The following GET1 variants were observed in gnomAD, a reference collection of about 807,000 sequenced individuals.
GET1 encodes the protein congenital heart disease 5 protein.
Under a neutral mutation model 22.6 loss-of-function variants are expected in GET1, and 20 were observed. The ratio of observed to expected loss-of-function variants is 0.89; its 90% CI spans 0.62 to 1.29. GET1 has a LOEUF of 1.29. Ranked by LOEUF, GET1 falls within the 50% of genes most tolerant of loss-of-function variation. The pLI is 0.00. For missense variants in GET1, 209 were observed against 219.9 expected (o/e 0.95, Z 0.31); for synonymous variants, 92 against 83.8 (o/e 1.10, Z -0.53).
chr21:39,397,935 A>G (rs1192692465), downstream of GET1: 2 of 152,164 alleles, frequency 1.3e-5, no homozygotes, highest in African/African-American at 2.4e-5. Context: ...CTAATGATCT[A>G]ATAAGTAGTT....
rs559362595 is a variant in GET1 at position 39,383,196 on chromosome 21, T to C, written c.102+2710T>C. ...GTCTCGATCTCCTGACCTTGTGATC[T>C]GCCCGCCTTGGCCTCCCAAAGTGCT... On this transcript the variant is annotated intron_variant, in intron 1 of 4. Coordinates refer to ENST00000649170, the MANE Select transcript of GET1 (RefSeq NM_004627.6). 6.6e-5 allele frequency among the ~76,000 whole-genome samples: 10 copies of C among 152,124 alleles called. No homozygotes were observed. The East Asian group carries it at 1.4e-3, about 21-fold the overall frequency.
intron 1 of GET1, among the ~76,000 whole-genome samples, chr21:39,424,092 A>G (rs2074219627): frequency 1.3e-5 from 2 of 151,942 alleles, no homozygotes; most frequent in Non-Finnish European, 2.9e-5. Flanking sequence ...GGCTCACTGC[A>G]ACCTCTGCAT....
chr21:39,421,938 C>T (rs1016069280), intron 1 of GET1: 1 of 152,076 alleles, frequency 6.6e-6, no homozygotes, highest in African/African-American at 2.4e-5. Context: ...ACATGAACAA[C>T]TTAGATACAT....
At chr21:39,391,037 T>C in intron 2 of GET1, 174 bp downstream of exon 2, 1 of 625,706 alleles carries the variant, frequency 1.6e-6, no homozygotes, top group Admixed American at 3.2e-5. Context: ...TATTTGCTGG[T>C]GAACCTTTGC....
chr21:39,393,643 T>C (rs533641559), intron 4 of GET1, among the ~76,000 whole-genome samples: 1 of 152,294 alleles, frequency 6.6e-6, no homozygotes, highest in East Asian at 1.9e-4. Context: ...TGCTCCTGGC[T>C]ATTCTTTTAT....
intron 1 of GET1, among the ~76,000 whole-genome samples, chr21:39,416,859 G>A (rs2147413971): frequency 6.6e-6 from 1 of 152,172 alleles, no homozygotes; most frequent in South Asian, 2.1e-4. Flanking sequence ...CTGGCCATAT[G>A]CAATGACATT....
chr21:39,411,762 T>C (rs201977093), intron 1 of GET1: 13 of 1,589,446 alleles, frequency 8.2e-6, no homozygotes, highest in Non-Finnish European at 1.0e-5. Context: ...AAGTATTCGA[T>C]GACTATAGAT....
In GET1 at chr21:39,391,797, G is replaced by C; in HGVS notation, c.297G>C (p.Lys99Asn). 1 of 1,614,168 alleles carries C rather than the reference G, an allele frequency of 6.2e-7. No individual in the cohort carries two copies. The highest frequency in any genetic ancestry group is 8.5e-7 in the Non-Finnish European group (1 of 1,180,020). The change falls in exon 3 of 5, where the codon AAG becomes AAC. Residue 99 changes from lysine (K) to asparagine (N), a missense_variant. Coordinates refer to ENST00000649170, the MANE Select transcript of GET1 (RefSeq NM_004627.6). The stretch of plus-strand genomic sequence containing the variant: ...AAGCTCGGACAGCTCAATTAGCCAA[G>C]ATAAAATGGGTGATAAGTGTCGCTT... Reference protein sequence around the residue: ...HVKARTAQLAKIKWVISVAFY... With the variant: ...HVKARTAQLANIKWVISVAFY...
intron 1 of GET1, among the ~76,000 whole-genome samples, chr21:39,382,948 T>A (rs577912692): frequency 1.1e-4 from 17 of 152,134 alleles, no homozygotes; most frequent in African/African-American, 9.6e-5. Context: ...CTTTTTATTT[T>A]TTTATTTATT....
chr21:39,420,724 G>T lies in GET1; in HGVS notation c.*24-7508G>T, dbSNP rs778846298. ...GAAATACCTTAAGTTTTTGTTGAAG[G>T]TGTTTTACTTCCACCTGCAGAGTCT... On this transcript the variant is annotated intron_variant, in intron 1 of 1. Coordinates refer to the GET1 transcript ENST00000478273. 2.9e-5 allele frequency: 46 copies of T among 1,611,708 alleles called. 1 individual carries two copies. Among genetic ancestry groups the T allele is most frequent in the Non-Finnish European group, 3.6e-5 (42 of 1,178,678 alleles).
At chr21:39,392,100 T>G in intron 3 of GET1, 1 of 443,280 alleles carries the variant, frequency 2.3e-6, no homozygotes, top group Non-Finnish European at 4.0e-6. Context: ...TCACCATGCC[T>G]GCATCCCAGT....
rs559182001 is a variant in GET1 at position 39,403,450 on chromosome 21, T to C, written c.350-2464T>C. On this transcript the variant is annotated intron_variant, in intron 4 of 4. Coordinates refer to the GET1 transcript ENST00000415847. ...CACGCCATTCTCCCGCCTCAGCCTC[T>C]CCAGTAGCTGGGACTAAAGGCGCCG... 5.8e-3 allele frequency among the ~76,000 whole-genome samples: 827 copies of C among 143,798 alleles called. 8 individuals are homozygous for C. Among genetic ancestry groups the C allele is most frequent in the African/African-American group, 0.02 (781 of 38,352 alleles). 94.3% of individuals were successfully genotyped at this position (143,798 alleles called of 152,430 possible). A position where few individuals can be genotyped will look rare whatever the true frequency, so the allele number is the denominator to read the frequency against.
At chr21:39,404,368 A>C (rs958924664) in intron 4 of GET1, among the ~76,000 whole-genome samples, 18 of 152,324 alleles carry the variant, frequency 1.2e-4, no homozygotes, top group African/African-American at 3.8e-4. Flanking sequence ...ATGATACTGG[A>C]TCTCAGGTGT....
chr21:39,381,610 C>T (rs1298579069), intron 1 of GET1, among the ~76,000 whole-genome samples: 1 of 152,116 alleles, frequency 6.6e-6, no homozygotes, highest in African/African-American at 2.4e-5. Context: ...ATAAAAGACT[C>T]CTGATGAGCT....
chr21:39,408,003 A>C (rs1228462385), downstream of GET1: 1 of 152,216 alleles, frequency 6.6e-6, no homozygotes, highest in Admixed American at 6.5e-5. Context: ...CTGAAGGCCC[A>C]ATGTGTTCAA....
intron 4 of GET1, among the ~76,000 whole-genome samples, chr21:39,403,805 A>T (rs1045773742): frequency 1.3e-4 from 20 of 151,542 alleles, no homozygotes; most frequent in African/African-American, 4.6e-4. Context: ...TATTTTTAGT[A>T]GAGACGGGGT....
Position 39,417,796 on chromosome 21 carries a change from C to T in GET1, c.*23+6859C>T, listed in dbSNP as rs559178177. On this transcript the variant is annotated intron_variant, in intron 1 of 1. Transcript: ENST00000478273. Reference sequence around the variant, plus strand: ...TTAATTTTTTTTTGAGATGGAGTCTCGCTCTGTCGCCCAGGCTGGAGTGCG... The same window carrying T: ...TTAATTTTTTTTTGAGATGGAGTCTTGCTCTGTCGCCCAGGCTGGAGTGCG... Among the ~76,000 whole-genome samples, 84 of 152,024 alleles carry T rather than the reference C, an allele frequency of 5.5e-4. 1 individual carries two copies. The South Asian group carries it at 8.5e-3, about 15-fold the overall frequency.
intron 1 of GET1, among the ~76,000 whole-genome samples, chr21:39,419,759 T>G (rs1268320305): frequency 2.6e-5 from 4 of 152,120 alleles, no homozygotes; most frequent in Admixed American, 1.3e-4. Context: ...GATCCTTGTC[T>G]TAAAGAATCA....
chr21:39,424,853 C>T (rs1403824694), intron 1 of GET1, among the ~76,000 whole-genome samples: 2 of 152,160 alleles, frequency 1.3e-5, no homozygotes, highest in Non-Finnish European at 2.9e-5. Flanking sequence ...ACCAAACTTA[C>T]CTAATTGAAT....
Sources: allele counts gnomAD v4.1 joint callset (sites outside exome capture counted in the v4.1 genomes callset), GRCh38; gene constraint gnomAD v4.1.1; transcripts MANE v1.5; gene names NCBI Gene and HGNC (gene_info 2026-07-23, HGNC 2026-07-21).